The following MTUS1 variants were observed in gnomAD, a reference collection of about 807,000 sequenced individuals.
The protein encoded by MTUS1 is microtubule associated scaffold protein 1.
MTUS1 carries 109 observed loss-of-function variants against 120.8 expected under a neutral mutation model. The observed-to-expected ratio is 0.90, with a 90% CI of 0.77 to 1.06. The LOEUF is 1.06. Among genes scored for constraint, MTUS1 ranks in the 50% least tolerant of loss-of-function variants. The pLI is 0.00. For synonymous variants in MTUS1, 737 were observed against 550.5 expected (o/e 1.34, Z -4.74); for missense variants, 2,210 against 1,486.3 (o/e 1.49, Z -8.01).
Position 17,743,469 on chromosome 8 carries a change from TC to T in MTUS1, c.2287+134del, listed in dbSNP as rs1482776909. On this transcript the variant is annotated intron_variant, in intron 3 of 14. Coordinates refer to ENST00000693296, the MANE Select transcript of MTUS1 (RefSeq NM_001363059.2). ...GGGATATATGTTGTCATCTTCTTTTTCTACCTCCTGTGCTCAGGATGCTGAT... is the reference window on the plus strand; with the variant it reads ...GGGATATATGTTGTCATCTTCTTTTTTACCTCCTGTGCTCAGGATGCTGAT... 5.0e-6 allele frequency: 4 copies of T among 792,364 alleles called. No individual in the cohort carries two copies. The East Asian group carries it at 1.1e-4, about 21-fold the overall frequency. 49.1% of individuals were successfully genotyped at this position (792,364 alleles called of 1,614,324 possible).
At chr8:17,681,864 A>C (rs1399495043) in intron 7 of MTUS1, among the ~76,000 whole-genome samples, 1 of 152,096 alleles carries the variant, frequency 6.6e-6, no homozygotes, top group African/African-American at 2.4e-5. Flanking sequence ...GAAAAAGATG[A>C]AGCTAATTTT....
rs569784233 is a variant in MTUS1, at chr8:17,721,843, A to T, written c.2449+1829T>A. 2.5e-6 allele frequency: 4 copies of T among 1,614,138 alleles called. No individual in the cohort carries two copies. The Admixed American group carries it at 6.7e-5, about 27-fold the overall frequency. On this transcript the variant is annotated intron_variant, in intron 4 of 14. Transcript: ENST00000693296. ...CGGTGGGGTGAGTGTAGAATTGATAAAGATTTTTGAAGAAATATCAGTTTC... is the reference window on the plus strand; with the variant it reads ...CGGTGGGGTGAGTGTAGAATTGATATAGATTTTTGAAGAAATATCAGTTTC...
At chr8:17,727,480 G>A (rs543404623) in intron 3 of MTUS1, among the ~76,000 whole-genome samples, 31 of 152,276 alleles carry the variant, frequency 2.0e-4, no homozygotes, top group South Asian at 6.2e-4. Flanking sequence ...CTCCTACAGC[G>A]GAATGGTGAA....
At chr8:17,761,144 G>T (rs2049009577) in intron 1 of MTUS1, among the ~76,000 whole-genome samples, 1 of 151,950 alleles carries the variant, frequency 6.6e-6, no homozygotes. Context: ...GATTTATAAG[G>T]ATTAAAAATT....
chr8:17,651,102 G>A (rs1387396730), intron 12 of MTUS1, among the ~76,000 whole-genome samples: 3 of 152,190 alleles, frequency 2.0e-5, no homozygotes, highest in African/African-American at 7.2e-5. Context: ...TTCCAGAGCT[G>A]GAAAGGGTCA....
intron 6 of MTUS1, chr8:17,691,437 A>G (rs1193333459): frequency 1.3e-5 from 2 of 152,274 alleles, no homozygotes; most frequent in African/African-American, 4.8e-5. Flanking sequence ...GAAGCTTGGA[A>G]TCAATCCACG....
intron 6 of MTUS1, among the ~76,000 whole-genome samples, chr8:17,690,727 A>C (rs892108519): frequency 1.3e-5 from 2 of 152,196 alleles, no homozygotes; most frequent in Non-Finnish European, 2.9e-5. Context: ...GTCACCAGGG[A>C]GAAAAAAGGC....
chr8:17,766,538 G>C (rs978813778), intron 1 of MTUS1, among the ~76,000 whole-genome samples: 2 of 152,194 alleles, frequency 1.3e-5, no homozygotes, highest in African/African-American at 4.8e-5. Context: ...AGGTGACTAA[G>C]AGCCCAGAGT....
At chr8:17,690,809 T>C (rs1375662335) in intron 6 of MTUS1, among the ~76,000 whole-genome samples, 1 of 152,106 alleles carries the variant, frequency 6.6e-6, no homozygotes, top group African/African-American at 2.4e-5. Flanking sequence ...CTGATGTTTA[T>C]AAAAAGGACC....
intron 6 of MTUS1, among the ~76,000 whole-genome samples, chr8:17,690,828 C>T (rs558448522): frequency 6.6e-6 from 1 of 152,110 alleles, no homozygotes; most frequent in South Asian, 2.1e-4. Flanking sequence ...CCCTCGTGTA[C>T]TAAAATGACC....
chr8:17,648,675 G>C (rs190828895), intron 13 of MTUS1, among the ~76,000 whole-genome samples: 332 of 152,278 alleles, frequency 2.2e-3, no homozygotes, highest in Non-Finnish European at 3.7e-3. Flanking sequence ...TCCCTCAACA[G>C]AAGTCATAGT....
chr8:17,697,853 A>C, intron 6 of MTUS1: 2 of 436,750 alleles, frequency 4.6e-6, no homozygotes, highest in Non-Finnish European at 6.1e-6. Context: ...GAAAAAAATT[A>C]GGATTTCCTG....
At chr8:17,663,933 AT>A (rs1374529041) in intron 8 of MTUS1, 1 of 152,220 alleles carries the variant, frequency 6.6e-6, no homozygotes, top group Non-Finnish European at 1.5e-5. Context: ...TGGAGATATT[AT>A]TAGTCCCTTC....
At chr8:17,776,339 G>A (rs1367408530) in intron 1 of MTUS1, among the ~76,000 whole-genome samples, 4 of 151,880 alleles carry the variant, frequency 2.6e-5, no homozygotes, top group South Asian at 2.1e-4. Context: ...CGGTGGGGGC[G>A]GGGGTGATCC....
intron 1 of MTUS1, chr8:17,780,809 GCCT>G (rs1455368928): frequency 3.3e-5 from 5 of 152,058 alleles, no homozygotes; most frequent in East Asian, 1.9e-4. Context: ...CCTTCTAATG[GCCT>G]CCTATCACAT....
intron 7 of MTUS1, among the ~76,000 whole-genome samples, chr8:17,683,310 G>C (rs1199015126): frequency 6.6e-6 from 1 of 152,046 alleles, no homozygotes; most frequent in Non-Finnish European, 1.5e-5. Flanking sequence ...CTACTAGTCT[G>C]GTAGTTTCTC....
intron 8 of MTUS1, among the ~76,000 whole-genome samples, chr8:17,673,753 C>T (rs925424299): frequency 6.6e-6 from 1 of 152,158 alleles, no homozygotes; most frequent in Non-Finnish European, 1.5e-5. Flanking sequence ...CCACACCCAG[C>T]CCAGACAAAG....
intron 8 of MTUS1, among the ~76,000 whole-genome samples, chr8:17,665,521 T>TTTGTTG (rs3040016): frequency 6.6e-6 from 1 of 151,584 alleles, no homozygotes; most frequent in Non-Finnish European, 1.5e-5. Flanking sequence ...CTCCAGCCTC[T>TTTGTTG]TTGTTGTTGT....
chr8:17,780,808 G>A (rs1410578922), intron 1 of MTUS1: 3 of 152,072 alleles, frequency 2.0e-5, no homozygotes, highest in Non-Finnish European at 4.4e-5. Flanking sequence ...GCCTTCTAAT[G>A]GCCTCCTATC....
Sources: gnomAD v4.1 joint callset for allele counts (sites outside exome capture counted in the v4.1 genomes callset) on GRCh38, gnomAD v4.1.1 for gene constraint, MANE v1.5 for transcripts, NCBI Gene and HGNC (gene_info 2026-07-23, HGNC 2026-07-21) for gene names.